The following SLC15A1 variants were observed in gnomAD, a reference collection of about 807,000 sequenced individuals.
SLC15A1 encodes the protein solute carrier family 15 member 1, also known as Caco-2 oligopeptide transporter.
Under a neutral mutation model 92.9 loss-of-function variants are expected in SLC15A1, and 83 were observed. The observed-to-expected ratio is 0.89, with a 90% CI of 0.75 to 1.07. The LOEUF is 1.07. Ranked by LOEUF, SLC15A1 falls within the 50% of genes least tolerant of loss-of-function variation. The pLI is 0.00. For synonymous variants in SLC15A1, 322 were observed against 318.2 expected, an observed-to-expected ratio of 1.01 and a Z score of -0.13; for missense variants, 857 against 880.1, an observed-to-expected ratio of 0.97 and a Z score of 0.33.
chr13:98,705,547 C>T (rs1226061343), intron 16 of SLC15A1, among the ~76,000 whole-genome samples: 1 of 152,158 alleles, frequency 6.6e-6, no homozygotes, highest in Non-Finnish European at 1.5e-5. Flanking sequence ...CCAGCAGCAG[C>T]AGCATTCCTG....
intron 1 of SLC15A1, among the ~76,000 whole-genome samples, chr13:98,729,454 G>A (rs150575390): frequency 4.3e-4 from 66 of 152,260 alleles, no homozygotes; most frequent in African/African-American, 1.5e-3. Context: ...CAATGATGCT[G>A]GTCTGGGGAC....
At position 98,687,708 on chromosome 13, in the gene SLC15A1, T is replaced by G; in HGVS notation, c.1700A>C (p.Glu567Ala). 2 of 1,613,794 alleles carry G rather than the reference T, an allele frequency of 1.2e-6. No homozygotes were observed. Among genetic ancestry groups the G allele is most frequent in the East Asian group, 2.2e-5 (1 of 44,876 alleles). The stretch of plus-strand genomic sequence containing the variant: ...TGAAATATCTTCAAACACCTTCACT[T>G]CAGGGCAGCTGTCATTCTGCAGCAG... ...IVQRKNDSCP[E>A]VKVFEDISAN... The change falls in exon 21 of 23, where the codon GAA (glutamate) becomes GCA (alanine). Residue 567 changes from glutamate (E) to alanine (A), a missense_variant. Transcript: ENST00000376503.
chr13:98,718,376 A>G (rs908222614), intron 8 of SLC15A1, among the ~76,000 whole-genome samples: 6 of 120,508 alleles, frequency 5.0e-5, no homozygotes, highest in Admixed American at 1.0e-4. Flanking sequence ...TTGCAGTGTT[A>G]TGGTGCAATC....
At chr13:98,752,273 G>A (rs2088552740) in intron 1 of SLC15A1, among the ~76,000 whole-genome samples, 1 of 152,246 alleles carries the variant, frequency 6.6e-6, no homozygotes, top group African/African-American at 2.4e-5. Flanking sequence ...TCACCCGCTG[G>A]GTCCCGTCCC....
chr13:98,714,359 A>G (rs756890936), intron 9 of SLC15A1, among the ~76,000 whole-genome samples: 28 of 152,142 alleles, frequency 1.8e-4, no homozygotes, highest in Non-Finnish European at 4.0e-4. Context: ...ACAACACAAT[A>G]CAACAATCTA....
At chr13:98,723,863 T>G in intron 5 of SLC15A1, 49 bp downstream of exon 5, 4 of 1,610,640 alleles carry the variant, frequency 2.5e-6, no homozygotes, top group East Asian at 4.5e-5. Context: ...AGGCATCAAA[T>G]GCGCACAAGG....
chr13:98,692,094 T>C (rs1246166726), intron 18 of SLC15A1, among the ~76,000 whole-genome samples: 2 of 137,398 alleles, frequency 1.5e-5, no homozygotes, highest in East Asian at 4.3e-4. Context: ...AAAAAGAAAA[T>C]GGAAAGCTCT....
In SLC15A1 at chr13:98,688,500, G is replaced by A; in HGVS notation, c.1544C>T (p.Ala515Val). The change falls in exon 19 of 23, where the codon GCC becomes GTC. Residue 515 changes from alanine (A) to valine (V), a missense_variant. Physicochemically the swap from Ala to Val is moderately conservative, Grantham distance 64 (BLOSUM62 0). Transcript: ENST00000376503. The part of the protein sequence containing the change: ...KVYANISSYN[A>V]STYQFFPSGI... ...AGAAGGAAAAAACTGGTATGTGCTGGCATTGTAGCTGCTGATGTTTGCATA... is the reference window on the plus strand; with the variant it reads ...AGAAGGAAAAAACTGGTATGTGCTGACATTGTAGCTGCTGATGTTTGCATA... The A allele has an allele frequency of 6.2e-7, 1 of 1,613,994 alleles. No homozygotes were observed. The highest frequency in any genetic ancestry group is 2.2e-5 in the East Asian group (1 of 44,852).
chr13:98,723,342 C>T (rs2088274724), intron 5 of SLC15A1, among the ~76,000 whole-genome samples: 1 of 152,144 alleles, frequency 6.6e-6, no homozygotes, highest in Admixed American at 6.5e-5. Context: ...ACTTATAGAT[C>T]AAGGAACTGA....
intron 18 of SLC15A1, among the ~76,000 whole-genome samples, chr13:98,692,136 CTTTTTTTTT>C (rs528865683): frequency 2.4e-4 from 16 of 67,640 alleles, no homozygotes; most frequent in South Asian, 6.3e-4. Context: ...TTCTCCTAAA[CTTTTTTTTT>C]TTTTTTTTTT....
At chr13:98,742,045 G>A (rs2088452406) in intron 1 of SLC15A1, among the ~76,000 whole-genome samples, 1 of 152,208 alleles carries the variant, frequency 6.6e-6, no homozygotes, top group Non-Finnish European at 1.5e-5. Context: ...CTTGCACGTG[G>A]GCCACTGGGC....
At chr13:98,721,281 C>G in intron 7 of SLC15A1, 1 of 679,708 alleles carries the variant, frequency 1.5e-6, no homozygotes, top group African/African-American at 1.8e-5. Flanking sequence ...CTTAGACTCT[C>G]CAGTGGTCAC....
chr13:98,724,212 C>T (rs2088281507), intron 4 of SLC15A1, among the ~76,000 whole-genome samples, 181 bp from the exon 5 acceptor site: 1 of 152,140 alleles, frequency 6.6e-6, no homozygotes, highest in Non-Finnish European at 1.5e-5. Flanking sequence ...AAGAATAGAA[C>T]AAAGTTTTGG....
At chr13:98,686,139 C>A (rs777033364) in intron 22 of SLC15A1, 51 bp downstream of exon 22, 1 of 1,357,926 alleles carries the variant, frequency 7.4e-7, no homozygotes. Flanking sequence ...ACCATGATGA[C>A]CATGAACAGG....
chr13:98,731,530 G>A (rs2088350568), intron 1 of SLC15A1, among the ~76,000 whole-genome samples: 1 of 152,080 alleles, frequency 6.6e-6, no homozygotes, highest in South Asian at 2.1e-4. Context: ...GTTATCCTTG[G>A]CCCTCTTCAG....
rs4646233 is a variant in SLC15A1, at chr13:98,684,545, CAAAAAAAAAAAA to C, written c.*167_*178del. The C allele has an allele frequency of 3.6e-5, 7 of 193,326 alleles. No homozygotes were observed. The highest frequency in any genetic ancestry group is 3.0e-4 in the South Asian group (3 of 10,072). 12.0% of individuals were successfully genotyped at this position (193,326 alleles called of 1,614,324 possible). ...GGACAACAAGAGCAAAACTCTGTCT[CAAAAAAAAAAAA>C]AAAAAAAAAAAGAAAAGAAAAAGAA... On this transcript the variant is annotated 3_prime_UTR_variant, in exon 23 of 23. Coordinates refer to ENST00000376503, the MANE Select transcript of SLC15A1 (RefSeq NM_005073.4).
chr13:98,697,949 G>A (rs746490203), intron 18 of SLC15A1, among the ~76,000 whole-genome samples: 81 of 152,190 alleles, frequency 5.3e-4, no homozygotes, highest in Non-Finnish European at 6.5e-4. Flanking sequence ...GGTTTTTCAG[G>A]AGGAAAAGTG....
chr13:98,684,762 A>G lies in SLC15A1; in HGVS notation c.2089T>C (p.Tyr697His). ...KKNRLEKSNP[Y>H]FMSGANSQKQ... is the part of the protein sequence containing the mutation. Reference sequence around the variant, plus strand: ...TGTGAATTGGCCCCTGACATGAAATATGGGTTACTCTTTTCCAGTCTGTTT... The same window carrying G: ...TGTGAATTGGCCCCTGACATGAAATGTGGGTTACTCTTTTCCAGTCTGTTT... Residue 697 changes from tyrosine to histidine, a missense_variant, in exon 23 of 23, where the codon TAT becomes CAT. Tyr to His is a moderately conservative substitution (Grantham distance 83). Transcript: ENST00000376503. 6.2e-7 allele frequency: 1 copy of G among 1,613,962 alleles called. No individual in the cohort carries two copies. Among genetic ancestry groups the G allele is most frequent in the Admixed American group, 1.7e-5 (1 of 59,984 alleles).
At chr13:98,708,151 G>A (rs1213234720) in intron 15 of SLC15A1, among the ~76,000 whole-genome samples, 1 of 152,098 alleles carries the variant, frequency 6.6e-6, no homozygotes, top group East Asian at 1.9e-4. Context: ...GGGAGGAAGT[G>A]GTGGGGAATG....
Sources: gnomAD v4.1 joint callset for allele counts (sites outside exome capture counted in the v4.1 genomes callset) on GRCh38, gnomAD v4.1.1 for gene constraint, MANE v1.5 for transcripts, NCBI Gene and HGNC (gene_info 2026-07-23, HGNC 2026-07-21) for gene names.